EXOC4: variants seen among roughly 807,000 people sequenced by gnomAD.
EXOC4 encodes SEC8-like 1.
A neutral mutation model predicts 107.2 loss-of-function variants in EXOC4; 71 were observed. The ratio of observed to expected loss-of-function variants is 0.66; its 90% CI spans 0.55 to 0.81. EXOC4 has a LOEUF of 0.81. EXOC4 is among the 30% of genes least tolerant of loss of function. The pLI is 0.00. For missense variants in EXOC4, 1,108 were observed against 1,189.6 expected, an observed-to-expected ratio of 0.93 and a Z score of 1.01; for synonymous variants, 456 against 441.2, an observed-to-expected ratio of 1.03 and a Z score of -0.42.
At chr7:133,347,394 C>T (rs1795809503) in intron 5 of EXOC4, among the ~76,000 whole-genome samples, 1 of 151,962 alleles carries the variant, frequency 6.6e-6, no homozygotes. Context: ...CAGGCGTGTG[C>T]CACCACACCC....
At chr7:133,646,270 A>G (rs926344344) in intron 10 of EXOC4, among the ~76,000 whole-genome samples, 5 of 152,172 alleles carry the variant, frequency 3.3e-5, no homozygotes, top group Admixed American at 1.3e-4. Context: ...AAATTTTGTC[A>G]TACACTTTGG....
In EXOC4 at chr7:133,475,412, C is replaced by T. The variant is rs989563113; in HGVS notation, c.1267C>T (p.Arg423Ter). The change falls in exon 8 of 18, where the codon CGA becomes TGA. Residue 423 changes from arginine to a stop codon, truncating the protein, a stop_gained. Transcript: ENST00000253861. LOFTEE classifies it high-confidence loss of function. Reference protein sequence around the residue: ...SAQLSYASTGREFAAFFAKKK... With the variant: ...SAQLSYASTG Reference sequence around the variant, plus strand: ...TCAACTAAGCTATGCCAGCACTGGACGAGAGTTTGCAGCCTTTTTTGCCAA... The same window carrying T: ...TCAACTAAGCTATGCCAGCACTGGATGAGAGTTTGCAGCCTTTTTTGCCAA... 1.2e-5 allele frequency: 19 copies of T among 1,613,812 alleles called. No homozygotes were observed. Among genetic ancestry groups the T allele is most frequent in the Non-Finnish European group, 1.4e-5 (16 of 1,179,926 alleles).
intron 14 of EXOC4, among the ~76,000 whole-genome samples, chr7:133,972,072 C>T (rs183422593): frequency 5.9e-5 from 9 of 152,226 alleles, no homozygotes; most frequent in East Asian, 3.9e-4. Flanking sequence ...TGGTACCTTA[C>T]GCTGTAGTCA....
intron 10 of EXOC4, among the ~76,000 whole-genome samples, chr7:133,759,991 G>A (rs902809830): frequency 2.0e-5 from 3 of 152,148 alleles, no homozygotes; most frequent in African/African-American, 7.2e-5. Context: ...GACTCTCCAC[G>A]TCAGCACGAG....
intron 11 of EXOC4, among the ~76,000 whole-genome samples, chr7:133,856,214 G>A (rs923171174): frequency 6.6e-6 from 1 of 152,200 alleles, no homozygotes; most frequent in Admixed American, 6.5e-5. Flanking sequence ...TAAAACGGAA[G>A]TAATACCAAT....
At chr7:133,691,868 G>A (rs985803713) in intron 10 of EXOC4, among the ~76,000 whole-genome samples, 1 of 152,150 alleles carries the variant, frequency 6.6e-6, no homozygotes. Flanking sequence ...CTTAAAATAA[G>A]GCTATGCTTA....
intron 10 of EXOC4, among the ~76,000 whole-genome samples, chr7:133,686,988 G>T (rs996962203): frequency 1.4e-5 from 2 of 141,358 alleles, no homozygotes; most frequent in African/African-American, 5.5e-5. Context: ...AGGGGATAAA[G>T]AATTTTGTGT....
chr7:133,857,184 A>T (rs1308369695), intron 11 of EXOC4, among the ~76,000 whole-genome samples: 1 of 27,906 alleles, frequency 3.6e-5, no homozygotes, highest in African/African-American at 1.6e-4. Flanking sequence ...ATATATATAT[A>T]TATATATATA....
intron 9 of EXOC4, among the ~76,000 whole-genome samples, chr7:133,528,448 G>A (rs1046607221): frequency 2.0e-5 from 3 of 152,150 alleles, no homozygotes; most frequent in African/African-American, 7.2e-5. Flanking sequence ...CTTGATAGGA[G>A]CTATAGAGAT....
At chr7:133,673,433 C>T (rs1255002279) in intron 10 of EXOC4, among the ~76,000 whole-genome samples, 1 of 152,142 alleles carries the variant, frequency 6.6e-6, no homozygotes, top group East Asian at 1.9e-4. Context: ...AACCTTGCAT[C>T]TCCTGTCTTT....
rs140264744 is a variant in EXOC4 at position 133,778,008 on chromosome 7, G to A, written c.1515-39317G>A. ...ACATGTCTAGTAACATTCATTCTCC[G>A]TCTTCCATTTTTTAAAAAAATGTCT... On this transcript the variant is annotated intron_variant, in intron 10 of 17. Transcript: ENST00000253861. 7.2e-5 allele frequency among the ~76,000 whole-genome samples: 11 copies of A among 152,048 alleles called. No homozygotes were observed. In the South Asian group the frequency reaches 1.5e-3, roughly 20 times the overall value.
chr7:133,568,761 G>A (rs573454913), intron 9 of EXOC4, among the ~76,000 whole-genome samples: 113 of 152,236 alleles, frequency 7.4e-4, no homozygotes, highest in African/African-American at 2.5e-3. Context: ...AGACAGGAAT[G>A]ATTCATCCTT....
intron 14 of EXOC4, among the ~76,000 whole-genome samples, chr7:133,987,051 C>T (rs1794131138): frequency 6.6e-6 from 1 of 152,020 alleles, no homozygotes; most frequent in South Asian, 2.1e-4. Flanking sequence ...TAGTTTTGTC[C>T]AGGCAACAAC....
intron 10 of EXOC4, among the ~76,000 whole-genome samples, chr7:133,787,920 G>A (rs983495080): frequency 1.7e-5 from 2 of 121,190 alleles, no homozygotes; most frequent in Non-Finnish European, 3.3e-5. Flanking sequence ...GGTCACACAG[G>A]TAGCAACCTA....
chr7:133,446,776 G>A (rs1222307034), intron 7 of EXOC4, among the ~76,000 whole-genome samples: 1 of 152,166 alleles, frequency 6.6e-6, no homozygotes, highest in East Asian at 1.9e-4. Flanking sequence ...TCACTGAGAG[G>A]ACTAATAACT....
intron 5 of EXOC4, among the ~76,000 whole-genome samples, chr7:133,335,765 T>G (rs1411492850): frequency 1.3e-5 from 2 of 152,230 alleles, no homozygotes; most frequent in Non-Finnish European, 2.9e-5. Flanking sequence ...CCATGCTGTT[T>G]TCACAGCAGG....
At chr7:133,509,882 A>G (rs1302398950) in intron 9 of EXOC4, among the ~76,000 whole-genome samples, 1 of 152,194 alleles carries the variant, frequency 6.6e-6, no homozygotes, top group Non-Finnish European at 1.5e-5. Context: ...GTATCACTGG[A>G]TCCCCGTCAT....
At chr7:133,672,389 TAAA>T (rs764420077) in intron 10 of EXOC4, among the ~76,000 whole-genome samples, 3 of 130,112 alleles carry the variant, frequency 2.3e-5, no homozygotes. Context: ...AGACTCCGTT[TAAA>T]AAAAAAAAAA....
At chr7:134,014,471 A>G (rs751440837) in intron 17 of EXOC4, among the ~76,000 whole-genome samples, 10 of 152,212 alleles carry the variant, frequency 6.6e-5, no homozygotes, top group Non-Finnish European at 1.3e-4. Flanking sequence ...CATTCATACA[A>G]TGGAGTTTAT....
Sources: gnomAD v4.1 joint callset for allele counts (sites outside exome capture counted in the v4.1 genomes callset) on GRCh38, gnomAD v4.1.1 for gene constraint, MANE v1.5 for transcripts, NCBI Gene and HGNC (gene_info 2026-07-23, HGNC 2026-07-21) for gene names.